The following PRDM16 variants were observed in gnomAD, a reference collection of about 807,000 sequenced individuals.
PRDM16 encodes the protein histone-lysine N-methyltransferase PRDM16.
Under a neutral mutation model 110.6 loss-of-function variants are expected in PRDM16, and 23 were observed. That is an observed-to-expected ratio of 0.21 (90% confidence interval 0.15 to 0.29). The LOEUF (loss-of-function observed/expected upper bound fraction) is 0.29. PRDM16 is among the 10% of genes least tolerant of loss of function. PRDM16 has a pLI of 1.00. For synonymous variants in PRDM16, 799 were observed against 781.8 expected (o/e 1.02, Z -0.37); for missense variants, 1,615 against 1,794.3 (o/e 0.90, Z 1.81).
chr1:3,123,397 G>A (rs914961514), intron 1 of PRDM16, among the ~76,000 whole-genome samples: 1 of 152,244 alleles, frequency 6.6e-6, no homozygotes, highest in Non-Finnish European at 1.5e-5. Context: ...TGCAGAGGGG[G>A]GTGTGGGTGG....
At position 3,208,660 on chromosome 1, in the gene PRDM16, G is replaced by A. The variant is rs1431998202; in HGVS notation, c.387+22186G>A. On this transcript the variant is annotated intron_variant, in intron 2 of 16. Transcript: ENST00000270722. This position sits in a 1 kb window ranked among gnomAD's most constrained non-coding sequence, Gnocchi z 6.1. Reference sequence around the variant, plus strand: ...CAACCTGGTGACAGAGCAAGACTCCGTCTCAAAAAAAAAAAAAAGAAAAGA... The same window carrying A: ...CAACCTGGTGACAGAGCAAGACTCCATCTCAAAAAAAAAAAAAAGAAAAGA... The A allele has an allele frequency of 4.2e-5, 6 of 143,074 alleles. No individual in the cohort carries two copies. The highest frequency in any genetic ancestry group is 6.8e-5 in the Admixed American group (1 of 14,600). The allele number at this position is 143,074 out of a possible 1,614,324, so 8.9% of individuals were successfully genotyped here.
At chr1:3,162,957 G>T in intron 1 of PRDM16, among the ~76,000 whole-genome samples, 1 of 73,684 alleles carries the variant, frequency 1.4e-5, no homozygotes, top group Non-Finnish European at 2.4e-5. Context: ...CCCTGGCATG[G>T]TCTAGAGGGC....
intron 1 of PRDM16, among the ~76,000 whole-genome samples, chr1:3,127,500 C>T (rs981847681): frequency 6.6e-6 from 1 of 152,212 alleles, no homozygotes; most frequent in Non-Finnish European, 1.5e-5. Context: ...ACCAGCGAGC[C>T]ACAGCCTAGC....
chr1:3,118,857 G>A (rs1357596642), intron 1 of PRDM16, among the ~76,000 whole-genome samples: 2 of 152,248 alleles, frequency 1.3e-5, no homozygotes, highest in African/African-American at 2.4e-5. Flanking sequence ...TGGACACAGG[G>A]CCCGAGGCAC....
intron 1 of PRDM16, among the ~76,000 whole-genome samples, chr1:3,074,734 C>T (rs1334099104): frequency 1.3e-5 from 2 of 152,210 alleles, no homozygotes; most frequent in African/African-American, 2.4e-5. Flanking sequence ...TCAGGTTGGC[C>T]CGGGAGGTGT....
chr1:3,271,225 G>A (rs16823654), intron 3 of PRDM16, among the ~76,000 whole-genome samples: 2,050 of 152,326 alleles, frequency 0.013, 69 homozygotes, highest in East Asian at 0.072. Flanking sequence ...ATCCCTCGAG[G>A]AAGGAACGAA....
chr1:3,332,206 T>G (rs1465104320), intron 3 of PRDM16, among the ~76,000 whole-genome samples: 1 of 152,282 alleles, frequency 6.6e-6, no homozygotes, highest in Non-Finnish European at 1.5e-5. Context: ...GGGAGGTGCG[T>G]GCACTGGGAA....
intron 3 of PRDM16, among the ~76,000 whole-genome samples, chr1:3,273,792 G>T (rs571942276): frequency 6.6e-6 from 1 of 150,482 alleles, no homozygotes; most frequent in Admixed American, 6.6e-5. Context: ...TGTGCATAGC[G>T]TGTGGCTAAC....
chr1:3,385,104 C>G, intron 3 of PRDM16, 48 bp from the exon 4 acceptor site: 1 of 1,606,856 alleles, frequency 6.2e-7, no homozygotes, highest in East Asian at 2.2e-5. Context: ...TGTGCAGACT[C>G]CAGCACACAG....
At position 3,410,477 on chromosome 1, in the gene PRDM16, C is replaced by T. The variant is rs1258579582; in HGVS notation, c.1187-907C>T. On this transcript the variant is annotated intron_variant, in intron 8 of 16. Transcript: ENST00000270722. ...GCATAGGGCTCCTGCCCGGGGTGAC[C>T]TCCTATCCATGTCCACCTCCAGCCA... is the stretch of plus-strand genomic sequence containing the variant. Among the ~76,000 whole-genome samples the T allele has an allele frequency of 7.9e-5, 12 of 152,312 alleles. No homozygotes were observed. In the East Asian group the frequency reaches 2.1e-3, roughly 27 times the overall value.
chr1:3,207,172 A>T (rs891091760), intron 2 of PRDM16: 1 of 152,214 alleles, frequency 6.6e-6, no homozygotes, highest in African/African-American at 2.4e-5. Context: ...CGCTACCCAG[A>T]AAACCTCCTA....
intron 4 of PRDM16, chr1:3,394,437 AG>A (rs1354064377): frequency 2.5e-6 from 1 of 401,356 alleles, no homozygotes; most frequent in East Asian, 8.9e-5. Flanking sequence ...GGAGTGCGGG[AG>A]GATGCCCGAG....
chr1:3,078,836 C>G (rs191122780), intron 1 of PRDM16, among the ~76,000 whole-genome samples: 6 of 152,342 alleles, frequency 3.9e-5, no homozygotes, highest in African/African-American at 1.4e-4. Flanking sequence ...TATGGATTTC[C>G]ATAATAGACT....
Position 3,200,378 on chromosome 1 carries a change from T to C in PRDM16, c.387+13904T>C, listed in dbSNP as rs138539774. ...TATTTTTTGAGATGGAGTCTTGCTC[T>C]GCTGCCCAGGCTGGAGTGCAATGGT... On this transcript the variant is annotated intron_variant, in intron 2 of 16. Coordinates refer to ENST00000270722, the MANE Select transcript of PRDM16 (RefSeq NM_022114.4). 2.3e-3 allele frequency among the ~76,000 whole-genome samples: 346 copies of C among 152,348 alleles called. 1 individual carries two copies. Among genetic ancestry groups the C allele is most frequent in the African/African-American group, 8.1e-3 (338 of 41,580 alleles).
intron 3 of PRDM16, among the ~76,000 whole-genome samples, chr1:3,336,318 G>A (rs533713971): frequency 6.6e-6 from 1 of 152,086 alleles, no homozygotes; most frequent in South Asian, 2.1e-4. Flanking sequence ...GGCTGTTTGT[G>A]TACATGCACA....
chr1:3,356,374 T>C (rs1642601663), intron 3 of PRDM16, among the ~76,000 whole-genome samples: 1 of 152,138 alleles, frequency 6.6e-6, no homozygotes, highest in African/African-American at 2.4e-5. Context: ...GCGGCTGCCG[T>C]CTCATCAGGC....
At chr1:3,304,812 G>A (rs1202472540) in intron 3 of PRDM16, among the ~76,000 whole-genome samples, 3 of 152,094 alleles carry the variant, frequency 2.0e-5, no homozygotes, top group Non-Finnish European at 4.4e-5. Flanking sequence ...ACACCGTGCC[G>A]CCCCTGTGGC....
chr1:3,298,190 C>T (rs544252485), intron 3 of PRDM16, among the ~76,000 whole-genome samples: 6 of 152,358 alleles, frequency 3.9e-5, no homozygotes, highest in Non-Finnish European at 5.9e-5. Flanking sequence ...AGTAGATTCC[C>T]GTCAGGCATT....
chr1:3,189,152 C>T (rs549776844), intron 2 of PRDM16, among the ~76,000 whole-genome samples: 11 of 152,154 alleles, frequency 7.2e-5, no homozygotes, highest in South Asian at 2.1e-4. Context: ...GGGCCTGAGA[C>T]GGGACGGGAA....
Sources: gnomAD v4.1 joint callset for allele counts (sites outside exome capture counted in the v4.1 genomes callset) on GRCh38, gnomAD v4.1.1 for gene constraint, Gnocchi (gnomAD v3.1) non-coding constraint, MANE v1.5 for transcripts, NCBI Gene and HGNC (gene_info 2026-07-23, HGNC 2026-07-21) for gene names.